PRICKLE1: variants seen among roughly 807,000 people sequenced by gnomAD.
PRICKLE1 encodes the protein prickle-like protein 1.
In PRICKLE1, 14 loss-of-function variants were observed where a neutral mutation model predicts 70.2. The ratio of observed to expected loss-of-function variants is 0.20; its 90% CI spans 0.13 to 0.31. The LOEUF (loss-of-function observed/expected upper bound fraction) is 0.31. Ranked by LOEUF, PRICKLE1 falls within the 10% of genes least tolerant of loss-of-function variation. The pLI, the probability that PRICKLE1 is intolerant of heterozygous loss-of-function variation, is 1.00. For missense variants in PRICKLE1, 821 were observed against 1,026.2 expected, an observed-to-expected ratio of 0.80 and a Z score of 2.73; for synonymous variants, 357 against 379.9, an observed-to-expected ratio of 0.94 and a Z score of 0.70.
intron 3 of PRICKLE1, chr12:42,469,967 T>C: frequency 2.0e-6 from 1 of 500,132 alleles, no homozygotes; most frequent in Non-Finnish European, 3.6e-6. Flanking sequence ...TCACTCTGGA[T>C]GCAGGGGCTG....
At chr12:42,586,028 A>G (rs903681294) in intron 1 of PRICKLE1, among the ~76,000 whole-genome samples, 3 of 152,198 alleles carry the variant, frequency 2.0e-5, no homozygotes, top group Non-Finnish European at 4.4e-5. Flanking sequence ...CCCTCTCTCA[A>G]CTTGCTTGCT....
At chr12:42,500,540 T>C (rs7956361) in intron 1 of PRICKLE1, among the ~76,000 whole-genome samples, 12,781 of 152,252 alleles carry the variant, frequency 0.084, 600 homozygotes, top group Middle Eastern at 0.12. Flanking sequence ...TGTAACGCAT[T>C]CTACTGAACG....
rs1937990474 is a variant in PRICKLE1 at position 42,464,362 on chromosome 12, T to A, written c.1639+33A>T. The A allele has an allele frequency of 1.2e-6, 2 of 1,614,022 alleles. No individual in the cohort carries two copies. Among genetic ancestry groups the A allele is most frequent in the South Asian group, 2.2e-5 (2 of 91,008 alleles). ...GAATACACTTTTTAGTAGCTCCTTT[T>A]TTCAAATACCCCATAATCCCTAGAT... is the stretch of plus-strand genomic sequence containing the variant. On this transcript the variant is annotated intron_variant, in intron 7 of 7. Transcript: ENST00000345127. This position sits in a 1 kb window ranked among gnomAD's most constrained non-coding sequence, Gnocchi z 4.2.
In PRICKLE1 at chr12:42,464,641, T is replaced by C. The variant is rs780931107; in HGVS notation, c.1393A>G (p.Lys465Glu). The C allele has an allele frequency of 2.3e-5, 37 of 1,613,980 alleles. No homozygotes were observed. In the South Asian group the frequency reaches 2.7e-4, roughly 12 times the overall value. ...CAGTACATATCAGACTGGTATTTTT[T>C]ACTTGCAAGGCTCTGGTTATTTTGC... ...LKQNNQSLAS[K>E]KYQSDMYWAQ... The change falls in exon 7 of 8, where the codon AAA becomes GAA. Residue 465 changes from lysine to glutamate, a missense_variant. Coordinates refer to ENST00000345127, the MANE Select transcript of PRICKLE1 (RefSeq NM_153026.3). The surrounding 1 kb of genome is among the most constrained non-coding windows in gnomAD (Gnocchi z 4.2).
At chr12:42,529,679 G>A (rs1592005018) in intron 1 of PRICKLE1, among the ~76,000 whole-genome samples, 1 of 152,112 alleles carries the variant, frequency 6.6e-6, no homozygotes, top group African/African-American at 2.4e-5. Context: ...CAGATCACTT[G>A]AGACCAGGAG....
At chr12:42,583,931 T>C (rs1940944952) in intron 1 of PRICKLE1, among the ~76,000 whole-genome samples, 2 of 152,196 alleles carry the variant, frequency 1.3e-5, no homozygotes, top group Non-Finnish European at 2.9e-5. Flanking sequence ...TCCCCAGTTC[T>C]ATTACCTGTC....
chr12:42,523,925 C>T (rs986711386), intron 1 of PRICKLE1, among the ~76,000 whole-genome samples: 5 of 152,230 alleles, frequency 3.3e-5, no homozygotes, highest in Admixed American at 6.5e-5. Flanking sequence ...ACACAGTACA[C>T]ATTCCCAGGT....
At chr12:42,480,286 T>C (rs891776364) in intron 1 of PRICKLE1, among the ~76,000 whole-genome samples, 4 of 152,198 alleles carry the variant, frequency 2.6e-5, no homozygotes, top group Non-Finnish European at 5.9e-5. Flanking sequence ...AACCATTCTT[T>C]GAAAAAGTTT....
intron 3 of PRICKLE1, 64 bp from the exon 4 acceptor site, chr12:42,469,651 T>C: frequency 6.2e-7 from 1 of 1,605,918 alleles, no homozygotes; most frequent in Non-Finnish European, 8.5e-7. Context: ...AGTTCTCTAC[T>C]TCCAGAGTTA....
intron 1 of PRICKLE1, among the ~76,000 whole-genome samples, chr12:42,549,669 T>C (rs908662816): frequency 9.9e-5 from 15 of 152,204 alleles, no homozygotes; most frequent in Non-Finnish European, 2.1e-4. Flanking sequence ...GATGGCTCAC[T>C]TATCTCTCCA....
chr12:42,539,844 C>T (rs1940078576), intron 1 of PRICKLE1, among the ~76,000 whole-genome samples: 1 of 152,132 alleles, frequency 6.6e-6, no homozygotes, highest in East Asian at 1.9e-4. Flanking sequence ...AAAGAAATGT[C>T]AAGTATGCTA....
chr12:42,529,372 G>A (rs528048185), intron 1 of PRICKLE1, among the ~76,000 whole-genome samples: 2 of 152,282 alleles, frequency 1.3e-5, no homozygotes, highest in East Asian at 3.9e-4. Context: ...TAAATGAATA[G>A]CCTTTAAAAT....
Position 42,470,314 on chromosome 12 carries a change from C to T in PRICKLE1, c.178G>A (p.Val60Ile), listed in dbSNP as rs1359965296. Reference sequence around the variant, plus strand: ...CGATGCTTCTCTCCGGGGCTGTTAACGTAAGGAACTTTTTCCTCTGGTAAG... The same window carrying T: ...CGATGCTTCTCTCCGGGGCTGTTAATGTAAGGAACTTTTTCCTCTGGTAAG... The part of the protein sequence containing the change: ...ACLPEEKVPY[V>I]NSPGEKHRIK... Residue 60 changes from valine to isoleucine, a missense_variant, in exon 3 of 8, where the codon GTT becomes ATT. Val to Ile is a conservative substitution (Grantham distance 29). Coordinates refer to ENST00000345127, the MANE Select transcript of PRICKLE1 (RefSeq NM_153026.3). 10 of 1,613,980 alleles carry T rather than the reference C, an allele frequency of 6.2e-6. No individual in the cohort carries two copies. The highest frequency in any genetic ancestry group is 2.7e-5 in the African/African-American group (2 of 74,918).
intron 1 of PRICKLE1, among the ~76,000 whole-genome samples, chr12:42,563,702 C>CAAAA (rs11367725): frequency 1.9e-4 from 9 of 46,498 alleles, no homozygotes; most frequent in Admixed American, 3.7e-4. Context: ...GACTCTGTCT[C>CAAAA]AAAAAAAAAA....
chr12:42,521,136 A>G (rs1236439088), intron 1 of PRICKLE1, among the ~76,000 whole-genome samples: 1 of 152,144 alleles, frequency 6.6e-6, no homozygotes, highest in Non-Finnish European at 1.5e-5. Context: ...GCGCCACTGC[A>G]CTGCACTCCA....
intron 6 of PRICKLE1, 55 bp from the exon 7 acceptor site, chr12:42,465,313 G>A: frequency 1.3e-6 from 2 of 1,572,126 alleles, no homozygotes; most frequent in Admixed American, 1.7e-5. Context: ...CCTGAAACAA[G>A]GTATAAGGAA....
At chr12:42,580,825 T>C (rs1449215292) in intron 1 of PRICKLE1, among the ~76,000 whole-genome samples, 3 of 151,832 alleles carry the variant, frequency 2.0e-5, no homozygotes, top group Non-Finnish European at 4.4e-5. Flanking sequence ...AAAATATCAA[T>C]GACTACTTTT....
intron 1 of PRICKLE1, among the ~76,000 whole-genome samples, chr12:42,484,981 A>G (rs1348966942): frequency 1.3e-5 from 2 of 152,214 alleles, no homozygotes; most frequent in Non-Finnish European, 2.9e-5. Context: ...GTAAAATATC[A>G]GTAAATAAAA....
chr12:42,517,634 G>C (rs1369675875), intron 1 of PRICKLE1, among the ~76,000 whole-genome samples: 1 of 151,864 alleles, frequency 6.6e-6, no homozygotes, highest in Non-Finnish European at 1.5e-5. Flanking sequence ...TTTAACCAGG[G>C]GTTCCTAGAT....
Sources: gnomAD v4.1 joint callset for allele counts (sites outside exome capture counted in the v4.1 genomes callset) on GRCh38, gnomAD v4.1.1 for gene constraint, Gnocchi (gnomAD v3.1) non-coding constraint, MANE v1.5 for transcripts, NCBI Gene and HGNC (gene_info 2026-07-23, HGNC 2026-07-21) for gene names.